The following OCA2 variants were observed in gnomAD, a reference collection of about 807,000 sequenced individuals.
The protein encoded by OCA2 is OCA2 melanosomal transmembrane protein.
In OCA2, 77 loss-of-function variants were observed where a neutral mutation model predicts 100.2. The observed-to-expected ratio is 0.77, with a 90% CI of 0.64 to 0.93. The LOEUF (loss-of-function observed/expected upper bound fraction) is 0.93. Ranked by LOEUF, OCA2 falls within the 40% of genes least tolerant of loss-of-function variation. The pLI is 0.00. For synonymous variants in OCA2, 432 were observed against 439.2 expected (o/e 0.98, Z 0.21); for missense variants, 1,062 against 1,089.1 (o/e 0.98, Z 0.35).
chr15:27,960,034 C>T (rs1347626000), intron 15 of OCA2, among the ~76,000 whole-genome samples: 1 of 152,204 alleles, frequency 6.6e-6, no homozygotes, highest in Non-Finnish European at 1.5e-5. Flanking sequence ...GTCATTTCCC[C>T]ACCCTGTCTA....
chr15:27,747,769 GT>G, the OCA2 span, among the ~76,000 whole-genome samples: 1 of 151,982 alleles, frequency 6.6e-6, no homozygotes, highest in South Asian at 2.1e-4. Flanking sequence ...GAGTATTCTC[GT>G]TTGATCACAT....
chr15:28,098,673 G>T (rs1344278656), intron 1 of OCA2, among the ~76,000 whole-genome samples: 1 of 152,212 alleles, frequency 6.6e-6, no homozygotes, highest in Non-Finnish European at 1.5e-5. Context: ...CCCCTGCCTG[G>T]TTCTGCAAAC....
intron 1 of OCA2, among the ~76,000 whole-genome samples, chr15:28,092,901 G>A (rs909803796): frequency 6.6e-6 from 1 of 152,052 alleles, no homozygotes; most frequent in Non-Finnish European, 1.5e-5. Context: ...CTAACATTAC[G>A]CCTAATGGTG....
intron 14 of OCA2, among the ~76,000 whole-genome samples, chr15:27,971,619 G>C (rs1346525523): frequency 6.6e-6 from 1 of 152,148 alleles, no homozygotes; most frequent in African/African-American, 2.4e-5. Flanking sequence ...TCCACCGACA[G>C]AGAGTTATCC....
In OCA2 at chr15:28,019,300, A is replaced by C. The variant is rs2042512218; in HGVS notation, c.647-743T>G. 2.0e-5 allele frequency among the ~76,000 whole-genome samples: 3 copies of C among 152,090 alleles called. No homozygotes were observed. In the South Asian group the frequency reaches 6.2e-4, roughly 32 times the overall value. On this transcript the variant is annotated intron_variant, in intron 6 of 23. Transcript: ENST00000354638. ...GAGAGGAGAAAGAAGAGGACGCAGCAAAGAAGAGCAGGAAGGGAGGGAGGA... is the reference window on the plus strand; with the variant it reads ...GAGAGGAGAAAGAAGAGGACGCAGCCAAGAAGAGCAGGAAGGGAGGGAGGA...
intron 23 of OCA2, among the ~76,000 whole-genome samples, chr15:27,839,795 A>C (rs1343385504): frequency 6.6e-6 from 1 of 152,352 alleles, no homozygotes; most frequent in African/African-American, 2.4e-5. Flanking sequence ...ACCTAGTATA[A>C]TCATTGGGTA....
intron 23 of OCA2, among the ~76,000 whole-genome samples, chr15:27,816,331 C>G (rs900880577): frequency 6.6e-6 from 1 of 152,192 alleles, no homozygotes; most frequent in Non-Finnish European, 1.5e-5. Context: ...TGTAAGGCTA[C>G]GTCTTTCTCC....
At chr15:27,832,663 T>C (rs908874156) in intron 23 of OCA2, among the ~76,000 whole-genome samples, 1 of 152,176 alleles carries the variant, frequency 6.6e-6, no homozygotes, top group African/African-American at 2.4e-5. Context: ...TGCTCCTCCC[T>C]GGTGAGTCTC....
chr15:27,775,068 GT>G (rs2032119618), intron 23 of OCA2, among the ~76,000 whole-genome samples: 1 of 112,082 alleles, frequency 8.9e-6, no homozygotes, highest in East Asian at 2.1e-4. Flanking sequence ...GAACTCGTGT[GT>G]GTGTGTGTGT....
intron 21 of OCA2, among the ~76,000 whole-genome samples, chr15:27,852,007 G>A (rs536046649): frequency 1.1e-3 from 174 of 152,208 alleles, no homozygotes; most frequent in Non-Finnish European, 2.0e-3. Context: ...CACTTATCAC[G>A]GCTGCTCCCT....
chr15:27,893,504 G>A (rs865868246), intron 19 of OCA2, among the ~76,000 whole-genome samples: 1 of 152,168 alleles, frequency 6.6e-6, no homozygotes, highest in African/African-American at 2.4e-5. Flanking sequence ...AAATGGACGT[G>A]CAAGTAGGAA....
At chr15:27,755,871 A>T (rs11074304) in intron 23 of OCA2, among the ~76,000 whole-genome samples, 2 of 151,950 alleles carry the variant, frequency 1.3e-5, no homozygotes, top group East Asian at 1.9e-4. Flanking sequence ...CCCAGCTTCC[A>T]GCAGGCTCCT....
At chr15:27,808,230 C>G (rs926657425) in intron 23 of OCA2, among the ~76,000 whole-genome samples, 6 of 152,214 alleles carry the variant, frequency 3.9e-5, no homozygotes, top group Non-Finnish European at 8.8e-5. Context: ...TGGAAGAACT[C>G]CCACGTGTGC....
the OCA2 span, among the ~76,000 whole-genome samples, chr15:27,749,509 A>G: frequency 6.6e-6 from 1 of 152,320 alleles, no homozygotes; most frequent in African/African-American, 2.4e-5. Flanking sequence ...GGCAAAAAAT[A>G]TATATTAAAG....
chr15:28,015,931 C>T (rs1465645506), intron 8 of OCA2, among the ~76,000 whole-genome samples, 173 bp downstream of exon 8: 1 of 152,200 alleles, frequency 6.6e-6, no homozygotes, highest in East Asian at 1.9e-4. Flanking sequence ...CCCATGGCTA[C>T]GATGTCCTCC....
At chr15:27,965,813 C>T (rs2040546250) in intron 15 of OCA2, among the ~76,000 whole-genome samples, 1 of 152,230 alleles carries the variant, frequency 6.6e-6, no homozygotes, top group Non-Finnish European at 1.5e-5. Context: ...CTGCTTGTTT[C>T]CCAAATAATC....
intron 19 of OCA2, among the ~76,000 whole-genome samples, chr15:27,879,327 T>C (rs907356244): frequency 8.5e-5 from 13 of 152,220 alleles, no homozygotes; most frequent in African/African-American, 3.1e-4. Flanking sequence ...TAAGTGCATG[T>C]ATCTTTATAG....
chr15:28,016,036 G>A (rs2042380226), intron 8 of OCA2, 68 bp downstream of exon 8: 5 of 1,258,464 alleles, frequency 4.0e-6, no homozygotes, highest in Middle Eastern at 2.2e-4. Context: ...GTGTCCTATA[G>A]GTCAGACTCC....
intron 23 of OCA2, among the ~76,000 whole-genome samples, chr15:27,842,595 A>G (rs1302281456): frequency 2.0e-5 from 3 of 152,210 alleles, no homozygotes; most frequent in Middle Eastern, 3.2e-3. Flanking sequence ...CACAGCAAGG[A>G]CCTGGCAAGA....
Sources: gnomAD v4.1 joint callset for allele counts (sites outside exome capture counted in the v4.1 genomes callset) on GRCh38, gnomAD v4.1.1 for gene constraint, MANE v1.5 for transcripts, NCBI Gene and HGNC (gene_info 2026-07-23, HGNC 2026-07-21) for gene names.